Variants in RANBP2 observed in about 807,000 individuals in gnomAD.
RANBP2 encodes E3 SUMO-protein ligase RanBP2.
RANBP2 carries 57 observed loss-of-function variants against 303.6 expected under a neutral mutation model. The ratio of observed to expected loss-of-function variants is 0.19; its 90% CI spans 0.15 to 0.23. The LOEUF (loss-of-function observed/expected upper bound fraction) is 0.23. RANBP2 is among the 10% of genes least tolerant of loss of function. The pLI, the probability that RANBP2 is intolerant of heterozygous loss-of-function variation, is 1.00. For synonymous variants in RANBP2, 1,167 were observed against 1,301.5 expected, an observed-to-expected ratio of 0.90 and a Z score of 2.23; for missense variants, 3,138 against 3,780.8, an observed-to-expected ratio of 0.83 and a Z score of 4.46.
At chr2:109,241,698 C>T in the RANBP2 span, among the ~76,000 whole-genome samples, 1 of 152,028 alleles carries the variant, frequency 6.6e-6, no homozygotes, top group East Asian at 1.9e-4. Context: ...CCCTGCAGTC[C>T]CTCTTCTCTG....
chr2:109,031,693 G>A, the RANBP2 span, among the ~76,000 whole-genome samples: 2 of 152,178 alleles, frequency 1.3e-5, no homozygotes, highest in Non-Finnish European at 2.9e-5. Flanking sequence ...GGCCACGTGG[G>A]CCGGGCTCTG....
the RANBP2 span, chr2:108,839,311 T>A: frequency 6.2e-7 from 1 of 1,603,852 alleles, no homozygotes; most frequent in African/African-American, 1.3e-5. Flanking sequence ...GGTAATTGGT[T>A]AATAGGAATT....
chr2:109,171,508 C>T, the RANBP2 span, among the ~76,000 whole-genome samples: 55 of 152,360 alleles, frequency 3.6e-4, 1 homozygote, highest in South Asian at 8.3e-4. Flanking sequence ...GCTGGGCTCG[C>T]GGGTATGGTC....
At chr2:109,650,328 G>A in the RANBP2 span, among the ~76,000 whole-genome samples, 10 of 152,168 alleles carry the variant, frequency 6.6e-5, no homozygotes, top group Admixed American at 4.6e-4. Flanking sequence ...GCAGGAAGCC[G>A]CTAGTCTCCC....
chr2:109,232,045 A>C, the RANBP2 span, among the ~76,000 whole-genome samples: 1 of 152,188 alleles, frequency 6.6e-6, no homozygotes, highest in Non-Finnish European at 1.5e-5. Flanking sequence ...GATGATGGAC[A>C]TTTGGGTTGT....
At chr2:108,746,124 T>C (rs986029154) in intron 7 of RANBP2, among the ~76,000 whole-genome samples, 2 of 151,964 alleles carry the variant, frequency 1.3e-5, no homozygotes, top group African/African-American at 2.4e-5. Flanking sequence ...GTTCAGGCTG[T>C]TCTTGAACTC....
At chr2:108,869,710 A>G in the RANBP2 span, among the ~76,000 whole-genome samples, 22 of 152,270 alleles carry the variant, frequency 1.4e-4, no homozygotes, top group East Asian at 4.3e-3. Flanking sequence ...AAAACAGCAT[A>G]CACAGGCCCA....
the RANBP2 span, among the ~76,000 whole-genome samples, chr2:109,670,386 G>A: frequency 6.6e-6 from 1 of 151,488 alleles, no homozygotes; most frequent in Non-Finnish European, 1.5e-5. Flanking sequence ...GCTGGTTGGG[G>A]ATACTATCTG....
chr2:109,118,058 T>G, the RANBP2 span, among the ~76,000 whole-genome samples: 4 of 152,142 alleles, frequency 2.6e-5, no homozygotes, highest in Non-Finnish European at 5.9e-5. Flanking sequence ...TGGCGTCTGG[T>G]GAAGATCAGC....
At chr2:108,982,424 C>T in the RANBP2 span, among the ~76,000 whole-genome samples, 1 of 152,236 alleles carries the variant, frequency 6.6e-6, no homozygotes, top group African/African-American at 2.4e-5. Flanking sequence ...GCAGCCAGTC[C>T]TTTAAGAACT....
the RANBP2 span, among the ~76,000 whole-genome samples, chr2:109,470,079 C>T: frequency 6.6e-6 from 1 of 152,192 alleles, no homozygotes; most frequent in African/African-American, 2.4e-5. Flanking sequence ...GGTGGGCAAC[C>T]ACAGAGCTGT....
chr2:109,022,261 G>A, the RANBP2 span, among the ~76,000 whole-genome samples: 2 of 152,280 alleles, frequency 1.3e-5, no homozygotes, highest in South Asian at 2.1e-4. Context: ...AATACTAAAC[G>A]CCTCAATAAC....
the RANBP2 span, among the ~76,000 whole-genome samples, chr2:108,909,347 A>G: frequency 6.6e-6 from 1 of 151,958 alleles, no homozygotes; most frequent in Non-Finnish European, 1.5e-5. Context: ...ATGCAGGGTG[A>G]CCAGGTCCTG....
chr2:109,223,996 C>T, the RANBP2 span, among the ~76,000 whole-genome samples: 31 of 152,148 alleles, frequency 2.0e-4, no homozygotes, highest in African/African-American at 3.6e-4. Flanking sequence ...AGTGAGACTC[C>T]GTCTCAAAAA....
the RANBP2 span, among the ~76,000 whole-genome samples, chr2:109,249,573 T>TTCCGTCCGTCCGTCCG: frequency 7.3e-6 from 1 of 137,330 alleles, no homozygotes; most frequent in African/African-American, 2.9e-5. Flanking sequence ...CCTTCCTTCC[T>TTCCGTCCGTCCGTCCG]TCCTTCCTTC....
chr2:108,928,998 T>C, the RANBP2 span, among the ~76,000 whole-genome samples: 1 of 152,254 alleles, frequency 6.6e-6, no homozygotes, highest in Admixed American at 6.5e-5. Flanking sequence ...AGGCAGAGCC[T>C]GATGGGCTGC....
the RANBP2 span, among the ~76,000 whole-genome samples, chr2:109,048,340 G>A: frequency 6.6e-6 from 1 of 152,150 alleles, no homozygotes; most frequent in Non-Finnish European, 1.5e-5. Context: ...ATAATACCAT[G>A]GGGACATTAA....
chr2:108,814,748 G>A, the RANBP2 span, among the ~76,000 whole-genome samples: 111 of 150,730 alleles, frequency 7.4e-4, no homozygotes, highest in Non-Finnish European at 1.5e-3. Flanking sequence ...TGCCTTCTGG[G>A]TTCAAGCCTC....
At chr2:108,859,498 C>A in the RANBP2 span, among the ~76,000 whole-genome samples, 1 of 152,208 alleles carries the variant, frequency 6.6e-6, no homozygotes, top group South Asian at 2.1e-4. Context: ...AAGAGTATTT[C>A]CTAGATTTTC....
Sources: gnomAD v4.1 joint callset for allele counts (sites outside exome capture counted in the v4.1 genomes callset) on GRCh38, gnomAD v4.1.1 for gene constraint, MANE v1.5 for transcripts, NCBI Gene and HGNC (gene_info 2026-07-23, HGNC 2026-07-21) for gene names.